The following CCDC125 variants were observed in gnomAD, a reference collection of about 807,000 sequenced individuals.
CCDC125 encodes coiled-coil domain-containing protein 125.
Under a neutral mutation model 57.4 loss-of-function variants are expected in CCDC125, and 43 were observed. The observed-to-expected ratio is 0.75, with a 90% CI of 0.59 to 0.97. The LOEUF (loss-of-function observed/expected upper bound fraction) is 0.97, where lower values mean the gene tolerates loss of function less well. CCDC125 is among the 50% of genes least tolerant of loss of function. The probability of loss-of-function intolerance (pLI) is 0.00; values close to 1 mark genes in which losing one functional copy is unlikely to be tolerated. For synonymous variants in CCDC125, 187 were observed against 195.2 expected (o/e 0.96, Z 0.35); for missense variants, 563 against 595.7 (o/e 0.95, Z 0.57).
chr5:69,298,497 T>C (rs1193017725), intron 8 of CCDC125, among the ~76,000 whole-genome samples: 1 of 152,220 alleles, frequency 6.6e-6, no homozygotes, highest in African/African-American at 2.4e-5. Context: ...GTACAAATGG[T>C]GGATCTGTGG....
chr5:69,328,986 A>C (rs996959942), intron 1 of CCDC125, among the ~76,000 whole-genome samples: 1 of 150,678 alleles, frequency 6.6e-6, no homozygotes, highest in Non-Finnish European at 1.5e-5. Context: ...GTAGAGATGG[A>C]GTTTCACCGT....
chr5:69,290,150 CAAAGA>C (rs1373880588), intron 10 of CCDC125, among the ~76,000 whole-genome samples: 3 of 151,798 alleles, frequency 2.0e-5, no homozygotes, highest in Non-Finnish European at 4.4e-5. Flanking sequence ...CCCTTTTCAG[CAAAGA>C]AAAGGGGGAA....
chr5:69,273,099 T>C, the CCDC125 span: 3 of 1,161,140 alleles, frequency 2.6e-6, no homozygotes, highest in East Asian at 2.6e-5. Context: ...AACTGTAGCA[T>C]TGATAAAAAT....
At chr5:69,316,425 A>C (rs781194058) in intron 2 of CCDC125, among the ~76,000 whole-genome samples, 2 of 152,172 alleles carry the variant, frequency 1.3e-5, no homozygotes, top group African/African-American at 2.4e-5. Context: ...GTTGGCTTTG[A>C]AGATGGGGAG....
rs894382459 is a variant in CCDC125, at chr5:69,280,184, A to T, written c.*2545T>A. 6.6e-6 allele frequency: 1 copy of T among 152,244 alleles called. No individual in the cohort carries two copies. The highest frequency in any genetic ancestry group is 1.5e-5 in the Non-Finnish European group (1 of 68,042). 9.4% of individuals were successfully genotyped at this position (152,244 alleles called of 1,614,324 possible). On this transcript the variant is annotated 3_prime_UTR_variant, in exon 12 of 12. Transcript: ENST00000396496. ...AGGAAATGACCATTTTCTCATGACC[A>T]TACAGCCAACACAATAAACCTCAGC...
At chr5:69,331,029 A>G (rs1462193064) in intron 1 of CCDC125, among the ~76,000 whole-genome samples, 1 of 152,048 alleles carries the variant, frequency 6.6e-6, no homozygotes, top group Non-Finnish European at 1.5e-5. Context: ...TAGGCTGGGC[A>G]CAGTGGCTCA....
At chr5:69,275,968 T>C (rs1057252633), downstream of CCDC125, among the ~76,000 whole-genome samples, 2 of 152,246 alleles carry the variant, frequency 1.3e-5, no homozygotes, top group Non-Finnish European at 2.9e-5. Context: ...CCAAGCATTT[T>C]AGATAAGATA....
At position 69,280,332 on chromosome 5, in the gene CCDC125, A is replaced by T. The variant is rs1366265493; in HGVS notation, c.*2397T>A. The T allele has an allele frequency of 6.6e-6, 1 of 152,222 alleles. No homozygotes were observed. Among genetic ancestry groups the T allele is most frequent in the East Asian group, 1.9e-4 (1 of 5,208 alleles). 9.4% of individuals were successfully genotyped at this position (152,222 alleles called of 1,614,324 possible). On this transcript the variant is annotated 3_prime_UTR_variant, in exon 12 of 12. Coordinates refer to ENST00000396496, the MANE Select transcript of CCDC125 (RefSeq NM_176816.5). Reference sequence around the variant, plus strand: ...CTGATCCTTTGCACATGATAATAATAAAAAACACACCTCTAGGTGGAAATT... The same window carrying T: ...CTGATCCTTTGCACATGATAATAATTAAAAACACACCTCTAGGTGGAAATT...
At chr5:69,274,523 C>G in the CCDC125 span, among the ~76,000 whole-genome samples, 1 of 152,246 alleles carries the variant, frequency 6.6e-6, no homozygotes, top group Middle Eastern at 3.4e-3. Context: ...TAAGGAATCT[C>G]TAAATTACTG....
intron 10 of CCDC125, among the ~76,000 whole-genome samples, chr5:69,290,665 T>C (rs2150341919): frequency 6.7e-6 from 1 of 148,662 alleles, no homozygotes; most frequent in African/African-American, 2.5e-5. Context: ...AGTCTTGCTC[T>C]TTCCCCCAGG....
chr5:69,331,583 C>T (rs1005999965), intron 1 of CCDC125, among the ~76,000 whole-genome samples: 1 of 152,182 alleles, frequency 6.6e-6, no homozygotes, highest in African/African-American at 2.4e-5. Flanking sequence ...ACTGAAGTGT[C>T]ACCCTGTTTT....
At chr5:69,276,840 C>T, downstream of CCDC125, 1 of 759,978 alleles carries the variant, frequency 1.3e-6, no homozygotes, top group Non-Finnish European at 2.1e-6. Context: ...AGAGACTGTG[C>T]CGTTTTAGGT....
chr5:69,313,260 C>T (rs1758451623), intron 3 of CCDC125: 2 of 548,878 alleles, frequency 3.6e-6, no homozygotes, highest in Non-Finnish European at 3.3e-6. Flanking sequence ...ATTGCCCTTC[C>T]CCTGCTGGGA....
At chr5:69,302,723 CAA>C (rs796772184) in intron 7 of CCDC125, among the ~76,000 whole-genome samples, 3 of 130,594 alleles carry the variant, frequency 2.3e-5, no homozygotes, top group Admixed American at 1.6e-4. Context: ...GACTCTGTCT[CAA>C]AAAAAAAAAA....
At chr5:69,294,578 C>T (rs1214431659) in intron 9 of CCDC125, among the ~76,000 whole-genome samples, 3 of 152,190 alleles carry the variant, frequency 2.0e-5, no homozygotes, top group Admixed American at 6.5e-5. Flanking sequence ...CAGGCGTGAG[C>T]CACCGCACCC....
intron 10 of CCDC125, 91 bp downstream of exon 10, chr5:69,292,097 C>A: frequency 8.7e-7 from 1 of 1,144,990 alleles, no homozygotes. Context: ...TTATTTTTGC[C>A]CACATTGGAT....
rs1006192743 is a variant in CCDC125 at position 69,299,769 on chromosome 5, A to G, written c.816+243T>C. ...CCAACACAGCTTCCGCTAGAACTGT[A>G]AAGATGAGAAATAAACGGGGCAGAA... is the stretch of plus-strand genomic sequence containing the variant. On this transcript the variant is annotated intron_variant, in intron 8 of 11. Coordinates refer to ENST00000396496, the MANE Select transcript of CCDC125 (RefSeq NM_176816.5). 2.6e-5 allele frequency among the ~76,000 whole-genome samples: 4 copies of G among 152,356 alleles called. No individual in the cohort carries two copies. In the East Asian group the frequency reaches 7.7e-4, roughly 29 times the overall value.
At chr5:69,322,076 G>T (rs1760113618) in intron 1 of CCDC125, among the ~76,000 whole-genome samples, 1 of 151,834 alleles carries the variant, frequency 6.6e-6, no homozygotes, top group African/African-American at 2.4e-5. Context: ...CCTGACCTCA[G>T]GTGATCTGCC....
At chr5:69,285,916 T>C (rs1434919806) in intron 10 of CCDC125, among the ~76,000 whole-genome samples, 4 of 152,076 alleles carry the variant, frequency 2.6e-5, no homozygotes, top group African/African-American at 9.7e-5. Context: ...TGAATCCTCA[T>C]TCAGCCACTT....
Sources: gnomAD v4.1 joint callset for allele counts (sites outside exome capture counted in the v4.1 genomes callset) on GRCh38, gnomAD v4.1.1 for gene constraint, MANE v1.5 for transcripts, NCBI Gene and HGNC (gene_info 2026-07-23, HGNC 2026-07-21) for gene names.